MECR: variants seen among roughly 807,000 people sequenced by gnomAD.
MECR encodes the protein enoyl-[acyl-carrier-protein] reductase, mitochondrial.
Under a neutral mutation model 49.1 loss-of-function variants are expected in MECR, and 37 were observed. The observed-to-expected ratio is 0.75, with a 90% CI of 0.58 to 0.99. The LOEUF (loss-of-function observed/expected upper bound fraction) is 0.99. MECR is among the 50% of genes least tolerant of loss of function. MECR has a pLI of 0.00. For missense variants in MECR, 470 were observed against 479.6 expected (o/e 0.98, Z 0.19); for synonymous variants, 198 against 191.1 (o/e 1.04, Z -0.30).
At chr1:29,178,195 C>T in the MECR span, among the ~76,000 whole-genome samples, 27 of 152,110 alleles carry the variant, frequency 1.8e-4, no homozygotes, top group Admixed American at 9.8e-4. Context: ...CCACCGTGAC[C>T]GGTCTAGACA....
At chr1:29,178,005 T>G in the MECR span, among the ~76,000 whole-genome samples, 1 of 146,282 alleles carries the variant, frequency 6.8e-6, no homozygotes, top group Admixed American at 7.0e-5. Flanking sequence ...GTTCAAGCAA[T>G]TCTCCTGCCT....
At chr1:29,185,572 C>T in the MECR span, among the ~76,000 whole-genome samples, 1 of 152,162 alleles carries the variant, frequency 6.6e-6, no homozygotes, top group Non-Finnish European at 1.5e-5. Context: ...TGTGCCACCA[C>T]GCCCAGCTAA....
chr1:29,198,546 T>TCAA (rs1674564066), intron 7 of MECR, among the ~76,000 whole-genome samples: 1 of 152,090 alleles, frequency 6.6e-6, no homozygotes, highest in Non-Finnish European at 1.5e-5. Context: ...TGCTCAAATG[T>TCAA]GGGGTCAAGC....
intron 4 of MECR, among the ~76,000 whole-genome samples, chr1:29,206,406 T>C (rs187847938): frequency 1.1e-4 from 17 of 152,342 alleles, no homozygotes; most frequent in East Asian, 9.6e-4. Context: ...TTATTAACAC[T>C]AAGTTCAGCA....
At chr1:29,187,930 G>A (rs1302513656), downstream of MECR, among the ~76,000 whole-genome samples, 9 of 147,292 alleles carry the variant, frequency 6.1e-5, no homozygotes, top group Non-Finnish European at 4.5e-5. Context: ...CCAGCTACTC[G>A]GGAGGTTGAG....
chr1:29,229,831 G>A (rs921524393), intron 1 of MECR, among the ~76,000 whole-genome samples: 1 of 152,144 alleles, frequency 6.6e-6, no homozygotes, highest in African/African-American at 2.4e-5. Flanking sequence ...GGCCCCAATA[G>A]CCCTTCTGAA....
chr1:29,182,233 A>C, the MECR span, among the ~76,000 whole-genome samples: 243 of 152,160 alleles, frequency 1.6e-3, 2 homozygotes, highest in African/African-American at 5.4e-3. Flanking sequence ...GAGCTTTGGA[A>C]TCAAACCTAG....
Position 29,203,139 on chromosome 1 carries a change from G to A in MECR, c.645C>T (p.Val215=). The change falls in exon 5 of 10, where the codon GTC becomes GTT. Residue 215 remains valine (V), a synonymous_variant. Coordinates refer to ENST00000263702, the MANE Select transcript of MECR (RefSeq NM_016011.5). The stretch of plus-strand genomic sequence containing the variant: ...CCTCCTTCCCCACGCACCTGTCTCG[G>A]ACCACATTGATGGTTCTTAGGCCCA... The part of the protein sequence containing the change: ...AALGLRTINV[V]RDRPDIQKLS... The A allele has an allele frequency of 6.3e-7, 1 of 1,575,280 alleles. No individual in the cohort carries two copies. Among genetic ancestry groups the A allele is most frequent in the Non-Finnish European group, 8.6e-7 (1 of 1,157,038 alleles).
chr1:29,230,868 G>C lies in MECR; in HGVS notation c.39C>G (p.Pro13=), dbSNP rs758861205. 1.2e-6 allele frequency: 2 copies of C among 1,607,608 alleles called. No homozygotes were observed. The highest frequency in any genetic ancestry group is 1.7e-6 in the Non-Finnish European group (2 of 1,179,260). The change falls in exon 1 of 10, where the codon CCC becomes CCG. Residue 13 remains proline, a synonymous_variant. Coordinates refer to ENST00000263702, the MANE Select transcript of MECR (RefSeq NM_016011.5). ...GGAGCAGCCCCCGCCACTGCCGGGC[G>C]GGGGTTCGCACCCGCCACAGGGTAC... ...VCSTLWRVRT[P]ARQWRGLLPA...
chr1:29,195,137 C>T (rs1447202685), intron 9 of MECR, among the ~76,000 whole-genome samples: 1 of 152,034 alleles, frequency 6.6e-6, no homozygotes, highest in African/African-American at 2.4e-5. Flanking sequence ...CCCCCCAAAA[C>T]AGCAAAAAAA....
the MECR span, among the ~76,000 whole-genome samples, chr1:29,175,810 T>G: frequency 6.6e-6 from 1 of 151,956 alleles, no homozygotes; most frequent in South Asian, 2.1e-4. Flanking sequence ...TCAAACACGC[T>G]TTTAAACAAA....
Position 29,230,933 on chromosome 1 carries a change from A to C in MECR, c.-27T>G. On this transcript the variant is annotated 5_prime_UTR_variant, in exon 1 of 10. Transcript: ENST00000263702. The stretch of plus-strand genomic sequence containing the variant: ...CTCGCTCCAACCAACACAGAGCCTG[A>C]CGCCCCGGCTACGTCATCTTCCAGC... 1.3e-6 allele frequency: 2 copies of C among 1,555,226 alleles called. No homozygotes were observed. Among genetic ancestry groups the C allele is most frequent in the Non-Finnish European group, 1.7e-6 (2 of 1,157,584 alleles).
chr1:29,214,592 T>A (rs2151892789), intron 3 of MECR, among the ~76,000 whole-genome samples: 1 of 34,888 alleles, frequency 2.9e-5, no homozygotes, highest in East Asian at 8.7e-4. Context: ...GAACTCCTGA[T>A]CTCAGGTGAT....
chr1:29,185,764 C>T, the MECR span, among the ~76,000 whole-genome samples: 20 of 152,108 alleles, frequency 1.3e-4, no homozygotes, highest in Non-Finnish European at 2.6e-4. Flanking sequence ...ACATAACATT[C>T]TTAAGAACTA....
chr1:29,182,136 C>G, the MECR span: 1 of 182,782 alleles, frequency 5.5e-6, no homozygotes, highest in African/African-American at 2.4e-5. Context: ...GCCCCTCCCC[C>G]GGAAGTGTCC....
At chr1:29,188,793 C>A (rs575120869), downstream of MECR, among the ~76,000 whole-genome samples, 1 of 151,966 alleles carries the variant, frequency 6.6e-6, no homozygotes, top group African/African-American at 2.4e-5. Context: ...GCGCCCGCTA[C>A]CATACCCGGC....
chr1:29,201,804 G>A lies in MECR; in HGVS notation c.756+139C>T. 1 of 754,250 alleles carries A rather than the reference G, an allele frequency of 1.3e-6. No individual in the cohort carries two copies. The highest frequency in any genetic ancestry group is 2.3e-6 in the Non-Finnish European group (1 of 433,482). 46.7% of individuals were successfully genotyped at this position (754,250 alleles called of 1,614,324 possible). On this transcript the variant is annotated intron_variant, in intron 6 of 9. Transcript: ENST00000263702. The surrounding 1 kb of genome is among the most constrained non-coding windows in gnomAD (Gnocchi z 4.3). ...TGCCTGCCGCCTGGCTAGGGGGAAT[G>A]GGCTTTAACCAACCAAGAGGCAAAG... is the stretch of plus-strand genomic sequence containing the variant.
chr1:29,176,480 TA>T, the MECR span, among the ~76,000 whole-genome samples: 1 of 125,512 alleles, frequency 8.0e-6, no homozygotes, highest in Non-Finnish European at 1.7e-5. Flanking sequence ...AATTAAAAAC[TA>T]AAAACTTTAA....
At chr1:29,207,027 G>T in intron 3 of MECR, 122 bp from the exon 4 acceptor site, 1 of 1,020,442 alleles carries the variant, frequency 9.8e-7, no homozygotes, top group Non-Finnish European at 1.4e-6. Flanking sequence ...AAGCATCCAG[G>T]ATAGCATCCA....
Sources: gnomAD v4.1 joint callset for allele counts (sites outside exome capture counted in the v4.1 genomes callset) on GRCh38, gnomAD v4.1.1 for gene constraint, Gnocchi (gnomAD v3.1) non-coding constraint, MANE v1.5 for transcripts, NCBI Gene and HGNC (gene_info 2026-07-23, HGNC 2026-07-21) for gene names.